Variants in GRIN2B observed in about 807,000 individuals in gnomAD.
The protein encoded by GRIN2B is glutamate receptor ionotropic, NMDA 2B.
A neutral mutation model predicts 114.5 loss-of-function variants in GRIN2B; 5 were observed. The ratio of observed to expected loss-of-function variants is 0.04; its 90% CI spans 0.02 to 0.09. The LOEUF (loss-of-function observed/expected upper bound fraction) is 0.09, where lower values mean the gene tolerates loss of function less well. GRIN2B is among the 10% of genes least tolerant of loss of function. The probability of loss-of-function intolerance (pLI) is 1.00; values close to 1 mark genes in which losing one functional copy is unlikely to be tolerated. For missense variants in GRIN2B, 1,108 were observed against 1,943.5 expected (o/e 0.57, Z 8.08); for synonymous variants, 787 against 745.1 (o/e 1.06, Z -0.92).
intron 3 of GRIN2B, among the ~76,000 whole-genome samples, chr12:13,768,434 A>T (rs1432079705): frequency 6.6e-6 from 1 of 152,210 alleles, no homozygotes; most frequent in African/African-American, 2.4e-5. Flanking sequence ...AACCAAGGTC[A>T]TGGGCACTGT....
chr12:13,922,307 G>C (rs142027797), intron 2 of GRIN2B, among the ~76,000 whole-genome samples: 1 of 152,092 alleles, frequency 6.6e-6, no homozygotes, highest in Non-Finnish European at 1.5e-5. Flanking sequence ...GGGTGCCCTG[G>C]GTGTCTGAGC....
intron 10 of GRIN2B, among the ~76,000 whole-genome samples, chr12:13,587,380 T>C (rs1347984159): frequency 4.6e-5 from 7 of 150,966 alleles, no homozygotes; most frequent in African/African-American, 1.7e-4. Flanking sequence ...GTTTTTGAGA[T>C]AGGGTCTTGC....
At chr12:13,758,020 G>A (rs1863609906) in intron 3 of GRIN2B, among the ~76,000 whole-genome samples, 1 of 152,058 alleles carries the variant, frequency 6.6e-6, no homozygotes, top group Non-Finnish European at 1.5e-5. Flanking sequence ...ACACCCTTGG[G>A]GACTGCCTCA....
At chr12:13,785,864 G>A (rs1488244925) in intron 3 of GRIN2B, among the ~76,000 whole-genome samples, 2 of 152,150 alleles carry the variant, frequency 1.3e-5, no homozygotes, top group Non-Finnish European at 2.9e-5. Context: ...CTACTAAGAG[G>A]CAGAGCTAAA....
In GRIN2B at chr12:13,557,304, C is replaced by T. The variant is rs1948488206; in HGVS notation, c.*5479G>A. ...TCTGCTAGGCCTAAGAAACAATTGC[C>T]CCCCAGGTTAAGTAGCACCTGAGGT... is the stretch of plus-strand genomic sequence containing the variant. On this transcript the variant is annotated 3_prime_UTR_variant, in exon 14 of 14. Transcript: ENST00000609686. 2 of 152,086 alleles carry T rather than the reference C, an allele frequency of 1.3e-5. No homozygotes were observed. The highest frequency in any genetic ancestry group is 2.4e-5 in the African/African-American group (1 of 41,384). The allele number at this position is 152,086 out of a possible 1,614,324, so 9.4% of individuals were successfully genotyped here.
At chr12:13,739,979 C>G (rs1863253497) in intron 4 of GRIN2B, among the ~76,000 whole-genome samples, 1 of 152,152 alleles carries the variant, frequency 6.6e-6, no homozygotes, top group African/African-American at 2.4e-5. Flanking sequence ...TGGTCTATTC[C>G]TAAAGAATAT....
chr12:13,723,182 C>T (rs1862911165), intron 4 of GRIN2B, among the ~76,000 whole-genome samples: 1 of 151,438 alleles, frequency 6.6e-6, no homozygotes, highest in African/African-American at 2.4e-5. Flanking sequence ...GATACATGTA[C>T]AGAATGTGCA....
rs978651340 is a variant in GRIN2B, at chr12:13,652,049, T to C, written c.1125+23696A>G. 2.0e-5 allele frequency among the ~76,000 whole-genome samples: 3 copies of C among 152,160 alleles called. 1 individual carries two copies. The highest frequency in any genetic ancestry group is 4.1e-4 in the South Asian group (2 of 4,822). Reference sequence around the variant, plus strand: ...GTCAGTTCCCACTCTAGGGAACTTATACCCATCCATAAGAAATGTATTATG... The same window carrying C: ...GTCAGTTCCCACTCTAGGGAACTTACACCCATCCATAAGAAATGTATTATG... On this transcript the variant is annotated intron_variant, in intron 5 of 13. Coordinates refer to ENST00000609686, the MANE Select transcript of GRIN2B (RefSeq NM_000834.5).
chr12:13,621,607 GTTTTTGTTTTTT>G (rs1255122705), intron 5 of GRIN2B, among the ~76,000 whole-genome samples: 6 of 27,692 alleles, frequency 2.2e-4, no homozygotes, highest in Admixed American at 8.9e-4. Context: ...AAATTGCCTA[GTTTTTGTTTTTT>G]TTTTTTTTTT....
intron 4 of GRIN2B, among the ~76,000 whole-genome samples, chr12:13,681,377 G>A (rs1408354375): frequency 6.6e-6 from 1 of 152,112 alleles, no homozygotes; most frequent in East Asian, 1.9e-4. Context: ...TTCTTTCCAT[G>A]TGCCACCATG....
chr12:13,911,799 C>T (rs1866631342), intron 2 of GRIN2B, among the ~76,000 whole-genome samples: 1 of 152,294 alleles, frequency 6.6e-6, no homozygotes, highest in East Asian at 1.9e-4. Flanking sequence ...AATACCTGCT[C>T]ACTTCGGTCT....
chr12:13,854,459 G>A (rs907299954), intron 3 of GRIN2B, among the ~76,000 whole-genome samples: 30 of 152,134 alleles, frequency 2.0e-4, no homozygotes, highest in Non-Finnish European at 3.4e-4. Context: ...GCAGTGAGCC[G>A]AGATAGTGCC....
intron 2 of GRIN2B, among the ~76,000 whole-genome samples, chr12:13,910,471 A>G (rs1285236023): frequency 6.6e-6 from 1 of 152,126 alleles, no homozygotes; most frequent in Non-Finnish European, 1.5e-5. Context: ...TCTGGTTTCA[A>G]AGAAGGTGCA....
At chr12:13,744,621 A>G (rs1388283909) in intron 4 of GRIN2B, among the ~76,000 whole-genome samples, 1 of 152,172 alleles carries the variant, frequency 6.6e-6, no homozygotes, top group African/African-American at 2.4e-5. Context: ...GTAATGAATG[A>G]GGGAAAGAAA....
chr12:13,599,307 C>CA (rs1272785922), intron 10 of GRIN2B, among the ~76,000 whole-genome samples: 1 of 152,040 alleles, frequency 6.6e-6, no homozygotes, highest in African/African-American at 2.4e-5. Context: ...CGAAAGGTTC[C>CA]AAAAATATAG....
chr12:13,676,101 T>C (rs960227387), intron 4 of GRIN2B, among the ~76,000 whole-genome samples: 1 of 152,086 alleles, frequency 6.6e-6, no homozygotes, highest in Non-Finnish European at 1.5e-5. Context: ...AGATGTTTGG[T>C]CACCGCATGT....
intron 3 of GRIN2B, among the ~76,000 whole-genome samples, chr12:13,847,798 G>A (rs1300316673): frequency 3.3e-5 from 5 of 152,150 alleles, no homozygotes; most frequent in Non-Finnish European, 7.3e-5. Flanking sequence ...ATGAGGGCAG[G>A]GAAAAGCAGC....
chr12:13,748,461 G>A (rs1199548884), intron 4 of GRIN2B, among the ~76,000 whole-genome samples: 1 of 152,168 alleles, frequency 6.6e-6, no homozygotes, highest in African/African-American at 2.4e-5. Flanking sequence ...ATGTAGACGG[G>A]TGCCTCCTAA....
At chr12:13,872,250 C>A (rs1865923440) in intron 2 of GRIN2B, among the ~76,000 whole-genome samples, 1 of 151,724 alleles carries the variant, frequency 6.6e-6, no homozygotes, top group Non-Finnish European at 1.5e-5. Flanking sequence ...CCTGTAATCC[C>A]AGCACTTTGG....
Sources: allele counts gnomAD v4.1 joint callset (sites outside exome capture counted in the v4.1 genomes callset), GRCh38; gene constraint gnomAD v4.1.1; transcripts MANE v1.5; gene names NCBI Gene and HGNC (gene_info 2026-07-23, HGNC 2026-07-21).